The following VAV3 variants were observed in gnomAD, a reference collection of about 807,000 sequenced individuals.
VAV3 encodes the protein guanine nucleotide exchange factor VAV3.
A neutral mutation model predicts 131.2 loss-of-function variants in VAV3; 94 were observed. The observed-to-expected ratio is 0.72, with a 90% confidence interval of 0.61 to 0.85. The LOEUF (loss-of-function observed/expected upper bound fraction) is 0.85, where lower values mean the gene tolerates loss of function less well. VAV3 is among the 40% of genes least tolerant of loss of function. The pLI is 0.00. For missense variants in VAV3, 939 were observed against 1,002.7 expected, an observed-to-expected ratio of 0.94 and a Z score of 0.86; for synonymous variants, 349 against 342.0, an observed-to-expected ratio of 1.02 and a Z score of -0.22.
intron 1 of VAV3, among the ~76,000 whole-genome samples, chr1:107,919,595 G>A (rs1030726081): frequency 2.0e-5 from 3 of 152,078 alleles, no homozygotes; most frequent in South Asian, 2.1e-4. Context: ...TGGAGGGACC[G>A]GTAGGAGGAT....
intron 15 of VAV3, among the ~76,000 whole-genome samples, chr1:107,735,503 A>G (rs1185350561): frequency 6.6e-6 from 1 of 152,192 alleles, no homozygotes; most frequent in Non-Finnish European, 1.5e-5. Context: ...AAATAGACGC[A>G]ATAAAAAATG....
chr1:107,750,912 T>C (rs1454647496), intron 13 of VAV3, among the ~76,000 whole-genome samples: 3 of 152,166 alleles, frequency 2.0e-5, no homozygotes, highest in Non-Finnish European at 4.4e-5. Flanking sequence ...TCTTAATAAC[T>C]TAGACAAACT....
At chr1:107,643,697 ATGAC>A (rs1354986979) in intron 19 of VAV3, among the ~76,000 whole-genome samples, 4 of 152,184 alleles carry the variant, frequency 2.6e-5, no homozygotes, top group Non-Finnish European at 5.9e-5. Flanking sequence ...AGAAGGATGA[ATGAC>A]TGTCATTCAG....
chr1:107,888,847 T>C (rs1372697581), intron 1 of VAV3, among the ~76,000 whole-genome samples: 3 of 152,190 alleles, frequency 2.0e-5, no homozygotes, highest in Non-Finnish European at 2.9e-5. Flanking sequence ...TCTGTCTATA[T>C]TTCTACCTAA....
At chr1:107,684,640 A>G (rs1331694199) in intron 18 of VAV3, among the ~76,000 whole-genome samples, 1 of 152,224 alleles carries the variant, frequency 6.6e-6, no homozygotes, top group Admixed American at 6.5e-5. Context: ...ACTACTTTCA[A>G]CATGGATTTG....
chr1:107,854,939 C>T (rs995763721), intron 2 of VAV3, among the ~76,000 whole-genome samples: 2 of 152,254 alleles, frequency 1.3e-5, no homozygotes, highest in South Asian at 2.1e-4. Context: ...CTTTCCCCTA[C>T]ATAGCGACCG....
At chr1:107,758,474 A>G (rs1664237585) in intron 10 of VAV3, among the ~76,000 whole-genome samples, 1 of 152,192 alleles carries the variant, frequency 6.6e-6, no homozygotes, top group Non-Finnish European at 1.5e-5. Flanking sequence ...TGGGAGGCTA[A>G]GGCAGGAAGA....
intron 22 of VAV3, 45 bp from the exon 23 acceptor site, chr1:107,603,208 A>G (rs1652003649): frequency 1.4e-6 from 2 of 1,430,582 alleles, no homozygotes; most frequent in East Asian, 4.6e-5. Context: ...TATACCTGGA[A>G]GAGAACAGAG....
At chr1:107,949,114 G>A (rs1404632702) in intron 1 of VAV3, among the ~76,000 whole-genome samples, 3 of 152,164 alleles carry the variant, frequency 2.0e-5, no homozygotes, top group African/African-American at 7.2e-5. Context: ...TATTAGAATA[G>A]TGTATTAATT....
chr1:107,883,087 T>G (rs555586860), intron 1 of VAV3, among the ~76,000 whole-genome samples: 2 of 152,326 alleles, frequency 1.3e-5, no homozygotes, highest in South Asian at 2.1e-4. Flanking sequence ...GGTAATTTTT[T>G]AAGTCATTCG....
At chr1:107,877,035 A>G (rs555694747) in intron 1 of VAV3, among the ~76,000 whole-genome samples, 3 of 152,118 alleles carry the variant, frequency 2.0e-5, no homozygotes, top group Non-Finnish European at 4.4e-5. Flanking sequence ...CTTAACTTAG[A>G]CACACTTTAC....
chr1:107,644,605 C>T (rs961871859), intron 19 of VAV3, among the ~76,000 whole-genome samples: 3 of 152,078 alleles, frequency 2.0e-5, no homozygotes, highest in African/African-American at 4.8e-5. Flanking sequence ...AAGGGAGCAG[C>T]GTCATGTGAC....
rs1455417395 is a variant in VAV3 at position 107,574,179 on chromosome 1, C to T, written c.2370G>A (p.Leu790=). 2 of 1,613,576 alleles carry T rather than the reference C, an allele frequency of 1.2e-6. No homozygotes were observed. The highest frequency in any genetic ancestry group is 1.7e-5 in the Admixed American group (1 of 59,974). The change falls in exon 26 of 27, where the codon CTG becomes CTA. Residue 790 remains leucine (L), a synonymous_variant. Coordinates refer to ENST00000370056, the MANE Select transcript of VAV3 (RefSeq NM_006113.5). ...AGTCATACCGAGCGATGGCAATGCCCAGCACTTTTGGACTTAACACTGTCA... is the reference window on the plus strand; with the variant it reads ...AGTCATACCGAGCGATGGCAATGCCTAGCACTTTTGGACTTAACACTGTCA... The part of the protein sequence containing the change: ...AGNSLLSPKV[L]GIAIARYDFC...
chr1:107,618,363 AATGTCTTTCT>A (rs1557707540), intron 20 of VAV3, among the ~76,000 whole-genome samples: 1 of 152,224 alleles, frequency 6.6e-6, no homozygotes, highest in Non-Finnish European at 1.5e-5. Flanking sequence ...AAGACATGAG[AATGTCTTTCT>A]AGCAAGATGA....
At chr1:107,573,648 A>T (rs1364618398) in intron 26 of VAV3, among the ~76,000 whole-genome samples, 1 of 152,170 alleles carries the variant, frequency 6.6e-6, no homozygotes, top group Admixed American at 6.5e-5. Context: ...AATGATTCCT[A>T]TTTCTGCTGT....
At chr1:107,715,329 AC>A (rs1204246298) in intron 15 of VAV3, among the ~76,000 whole-genome samples, 33 of 152,186 alleles carry the variant, frequency 2.2e-4, no homozygotes, top group Non-Finnish European at 1.8e-4. Flanking sequence ...GCTAGATGCT[AC>A]TTCTATTACT....
chr1:107,918,412 A>G (rs1333717589), intron 1 of VAV3, among the ~76,000 whole-genome samples: 1 of 152,086 alleles, frequency 6.6e-6, no homozygotes, highest in Non-Finnish European at 1.5e-5. Flanking sequence ...CAAGTCTTTA[A>G]CTCTCTCAGA....
chr1:107,753,529 T>TATATATATATATAC (rs1663897329), intron 12 of VAV3, among the ~76,000 whole-genome samples: 1 of 19,412 alleles, frequency 5.2e-5, no homozygotes, highest in Non-Finnish European at 1.3e-4. Context: ...TATATATACG[T>TATATATATATATAC]ATATATATAT....
intron 2 of VAV3, among the ~76,000 whole-genome samples, chr1:107,794,214 C>G (rs1235627335): frequency 6.6e-6 from 1 of 152,210 alleles, no homozygotes; most frequent in Non-Finnish European, 1.5e-5. Flanking sequence ...AGGCAAGATC[C>G]ACAAATCTGG....
Sources: gnomAD v4.1 joint callset for allele counts (sites outside exome capture counted in the v4.1 genomes callset) on GRCh38, gnomAD v4.1.1 for gene constraint, MANE v1.5 for transcripts, NCBI Gene and HGNC (gene_info 2026-07-23, HGNC 2026-07-21) for gene names.